FBXL4: variants seen among roughly 807,000 people sequenced by gnomAD.
FBXL4 encodes the protein F-box/LRR-repeat protein 4.
FBXL4 carries 40 observed loss-of-function variants against 58.9 expected under a neutral mutation model. The observed-to-expected ratio is 0.68, with a 90% CI of 0.53 to 0.88. The LOEUF is 0.88. Ranked by LOEUF, FBXL4 falls within the 40% of genes least tolerant of loss-of-function variation. The pLI, the probability that FBXL4 is intolerant of heterozygous loss-of-function variation, is 0.00. For synonymous variants in FBXL4, 263 were observed against 265.5 expected (o/e 0.99, Z 0.09); for missense variants, 676 against 734.4 (o/e 0.92, Z 0.92).
At chr6:98,888,648 T>A (rs1467507084) in intron 7 of FBXL4, among the ~76,000 whole-genome samples, 1 of 152,204 alleles carries the variant, frequency 6.6e-6, no homozygotes, top group Non-Finnish European at 1.5e-5. Flanking sequence ...TCTATAAAAC[T>A]AAAATATAAT....
At chr6:98,933,759 G>T (rs1773100119) in intron 2 of FBXL4, among the ~76,000 whole-genome samples, 1 of 152,152 alleles carries the variant, frequency 6.6e-6, no homozygotes, top group African/African-American at 2.4e-5. Flanking sequence ...ATAAACATCT[G>T]TTGTTTTACG....
chr6:98,899,666 A>C (rs1253130453), intron 6 of FBXL4, among the ~76,000 whole-genome samples, 185 bp from the exon 7 acceptor site: 1 of 152,232 alleles, frequency 6.6e-6, no homozygotes, highest in African/African-American at 2.4e-5. Context: ...TAGGCTAAAA[A>C]AATCAACTTG....
At position 98,899,255 on chromosome 6, in the gene FBXL4, G is replaced by T; in HGVS notation, c.1317+13C>A. 1 of 1,611,380 alleles carries T rather than the reference G, an allele frequency of 6.2e-7. No homozygotes were observed. The highest frequency in any genetic ancestry group is 8.5e-7 in the Non-Finnish European group (1 of 1,178,122). ...CCATAATAGCAATGATGAAAATTAT[G>T]AATTACTCTCACCTCTACTTTTGTT... is the stretch of plus-strand genomic sequence containing the variant. On this transcript the variant is annotated intron_variant, in intron 7 of 9. Coordinates refer to ENST00000369244, the MANE Select transcript of FBXL4 (RefSeq NM_001278716.2).
intron 6 of FBXL4, among the ~76,000 whole-genome samples, 172 bp downstream of exon 6, chr6:98,905,254 C>T (rs1453573705): frequency 6.6e-6 from 1 of 152,156 alleles, no homozygotes; most frequent in Non-Finnish European, 1.5e-5. Context: ...TAGTAAAACA[C>T]TTATTTTTTT....
At position 98,912,711 on chromosome 6, in the gene FBXL4, G is replaced by A. The variant is rs1424854563; in HGVS notation, c.858+4663C>T. Among the ~76,000 whole-genome samples, 7 of 152,090 alleles carry A rather than the reference G, an allele frequency of 4.6e-5. No individual in the cohort carries two copies. In the East Asian group the frequency reaches 1.4e-3, roughly 29 times the overall value. On this transcript the variant is annotated intron_variant, in intron 5 of 9. Coordinates refer to ENST00000369244, the MANE Select transcript of FBXL4 (RefSeq NM_001278716.2). ...TGGAAAGGCACAACCGGTACCAGCTGCTGCAAAATCACGCCAAAATGTAAA... is the reference window on the plus strand; with the variant it reads ...TGGAAAGGCACAACCGGTACCAGCTACTGCAAAATCACGCCAAAATGTAAA...
chr6:98,896,609 C>T (rs1051509609), intron 7 of FBXL4: 3 of 248,316 alleles, frequency 1.2e-5, no homozygotes, highest in African/African-American at 2.3e-5. Context: ...TTTAAGTCAA[C>T]CATAGATCAC....
intron 2 of FBXL4, among the ~76,000 whole-genome samples, chr6:98,930,082 C>T (rs1212795325): frequency 6.6e-6 from 1 of 152,226 alleles, no homozygotes; most frequent in African/African-American, 2.4e-5. Context: ...AAACATACAA[C>T]AGACTAAACC....
In FBXL4 at chr6:98,927,733, T is replaced by C. The variant is rs1046728120; in HGVS notation, c.-101A>G. ...AGATAGAATGGTCACAGGATACACA[T>C]GGGAAATGCAAAAGTTGGCATTCAT... is the stretch of plus-strand genomic sequence containing the variant. On this transcript the variant is annotated 5_prime_UTR_variant, in exon 3 of 10. It removes an upstream start codon present in the reference 5' UTR. Transcript: ENST00000369244. 6.6e-6 allele frequency: 1 copy of C among 152,224 alleles called. No homozygotes were observed. The highest frequency in any genetic ancestry group is 1.5e-5 in the Non-Finnish European group (1 of 68,050). 9.4% of individuals were successfully genotyped at this position (152,224 alleles called of 1,614,324 possible).
At chr6:98,885,012 G>A (rs1770987975) in intron 7 of FBXL4, among the ~76,000 whole-genome samples, 1 of 152,166 alleles carries the variant, frequency 6.6e-6, no homozygotes, top group Admixed American at 6.5e-5. Flanking sequence ...AGGTGATATA[G>A]GTCACTTTCA....
At chr6:98,910,075 G>A (rs377259160) in intron 5 of FBXL4, among the ~76,000 whole-genome samples, 5 of 151,936 alleles carry the variant, frequency 3.3e-5, no homozygotes, top group Non-Finnish European at 5.9e-5. Flanking sequence ...TTTGGAAAAG[G>A]GATATCTAAG....
intron 5 of FBXL4, among the ~76,000 whole-genome samples, chr6:98,908,776 G>A (rs1427844488): frequency 1.1e-4 from 17 of 151,420 alleles, no homozygotes; most frequent in Admixed American, 9.2e-4. Flanking sequence ...GGGAGTTGTC[G>A]ATACATTTCC....
intron 4 of FBXL4, among the ~76,000 whole-genome samples, chr6:98,924,015 G>C (rs1176220278): frequency 1.3e-5 from 2 of 151,872 alleles, no homozygotes; most frequent in African/African-American, 2.4e-5. Context: ...CTGAAAATCA[G>C]TAAAGAAAAT....
intron 5 of FBXL4, among the ~76,000 whole-genome samples, chr6:98,909,324 T>C (rs542199452): frequency 6.6e-6 from 1 of 152,246 alleles, no homozygotes; most frequent in South Asian, 2.1e-4. Flanking sequence ...ATCACTGTCA[T>C]CTATGTGCAT....
chr6:98,915,537 T>A (rs910422827), intron 5 of FBXL4, among the ~76,000 whole-genome samples: 2 of 151,310 alleles, frequency 1.3e-5, no homozygotes, highest in African/African-American at 4.8e-5. Flanking sequence ...CTATCTGATC[T>A]TTGACAAACC....
At position 98,927,062 on chromosome 6, in the gene FBXL4, T is replaced by C; in HGVS notation, c.-72-2A>G. On this transcript the variant is annotated splice_acceptor_variant, in intron 3 of 9. Coordinates refer to ENST00000369244, the MANE Select transcript of FBXL4 (RefSeq NM_001278716.2). LOFTEE classifies it low-confidence loss of function (5UTR_SPLICE). Reference sequence around the variant, plus strand: ...TGCATGAACTCTTTGAAGGATGTTCTAAAAAAATGAATGGCTTGGTGAAGT... The same window carrying C: ...TGCATGAACTCTTTGAAGGATGTTCCAAAAAAATGAATGGCTTGGTGAAGT... The C allele has an allele frequency of 7.0e-7, 1 of 1,437,472 alleles. No homozygotes were observed. The highest frequency in any genetic ancestry group is 9.4e-7 in the Non-Finnish European group (1 of 1,058,684). 89.0% of individuals were successfully genotyped at this position (1,437,472 alleles called of 1,614,324 possible).
intron 5 of FBXL4, among the ~76,000 whole-genome samples, chr6:98,910,089 G>A (rs562281890): frequency 6.6e-6 from 1 of 152,242 alleles, no homozygotes; most frequent in South Asian, 2.1e-4. Flanking sequence ...ATCTAAGTTG[G>A]TTAAAATTTG....
At chr6:98,917,916 A>G (rs759530652) in intron 4 of FBXL4, among the ~76,000 whole-genome samples, 197 bp from the exon 5 acceptor site, 4 of 152,206 alleles carry the variant, frequency 2.6e-5, no homozygotes, top group Non-Finnish European at 4.4e-5. Context: ...ATTTATTTTT[A>G]TAAGTCCCCA....
intron 7 of FBXL4, among the ~76,000 whole-genome samples, chr6:98,887,195 G>C (rs115962885): frequency 6.6e-6 from 1 of 152,204 alleles, no homozygotes; most frequent in African/African-American, 2.4e-5. Context: ...GAGACCAGGA[G>C]GTCAAGGCTG....
intron 6 of FBXL4, among the ~76,000 whole-genome samples, chr6:98,904,624 TA>T (rs1313279906): frequency 5.3e-5 from 8 of 152,128 alleles, no homozygotes; most frequent in African/African-American, 1.9e-4. Context: ...TTTTCATTTT[TA>T]AAAATAGAAT....
Sources: allele counts gnomAD v4.1 joint callset (sites outside exome capture counted in the v4.1 genomes callset), GRCh38; gene constraint gnomAD v4.1.1; transcripts MANE v1.5; gene names NCBI Gene and HGNC (gene_info 2026-07-23, HGNC 2026-07-21).